Variants in CSMD1 observed in about 807,000 individuals in gnomAD.
The protein encoded by CSMD1 is CUB and Sushi multiple domains 1, also known as CUB and sushi domain-containing protein 1.
In CSMD1, 213 loss-of-function variants were observed where a neutral mutation model predicts 417.5. The observed-to-expected ratio is 0.51, with a 90% CI of 0.46 to 0.57. CSMD1 has a LOEUF of 0.57. Among genes scored for constraint, CSMD1 ranks in the 20% least tolerant of loss-of-function variants. The pLI, the probability that CSMD1 is intolerant of heterozygous loss-of-function variation, is 0.00. For missense variants in CSMD1, 6,923 were observed against 4,529.7 expected (o/e 1.53, Z -15.17); for synonymous variants, 2,862 against 1,736.8 (o/e 1.65, Z -16.11).
intron 46 of CSMD1, among the ~76,000 whole-genome samples, chr8:3,104,898 G>A (rs1816022295): frequency 6.6e-6 from 1 of 151,982 alleles, no homozygotes; most frequent in Non-Finnish European, 1.5e-5. Context: ...GTAGAGACAG[G>A]TTTCTCCCTG....
At chr8:4,450,678 C>T (rs1327181566) in intron 2 of CSMD1, among the ~76,000 whole-genome samples, 1 of 152,150 alleles carries the variant, frequency 6.6e-6, no homozygotes, top group Non-Finnish European at 1.5e-5. Flanking sequence ...CTGTCTTGCA[C>T]TGTATCCAAT....
rs1450286480 is a variant in CSMD1, at chr8:4,439,875, TC to T, written c.303-19811del. 2.0e-5 allele frequency among the ~76,000 whole-genome samples: 3 copies of T among 152,180 alleles called. No homozygotes were observed. In the East Asian group the frequency reaches 5.8e-4, roughly 29 times the overall value. On this transcript the variant is annotated intron_variant, in intron 2 of 69. Transcript: ENST00000635120. ...CGAAAGATAGGATGGTGTAATGAGA[TC>T]CCAAAAGAGAATCAACTACACAACA... is the stretch of plus-strand genomic sequence containing the variant.
At chr8:2,953,458 A>C (rs1802777779) in intron 65 of CSMD1, among the ~76,000 whole-genome samples, 1 of 151,856 alleles carries the variant, frequency 6.6e-6, no homozygotes, top group Non-Finnish European at 1.5e-5. Flanking sequence ...ATGTCCAAAA[A>C]AAAAAAAAAA....
rs567327966 is a variant in CSMD1, at chr8:3,580,418, G to A, written c.1223-5352C>T. On this transcript the variant is annotated intron_variant, in intron 9 of 69. Coordinates refer to ENST00000635120, the MANE Select transcript of CSMD1 (RefSeq NM_033225.6). ...CCTGGGGGGAGGCGGATACTCCAGA[G>A]AGGGGAAACCAAATGCAAGAATCCT... Among the ~76,000 whole-genome samples, 7 of 152,248 alleles carry A rather than the reference G, an allele frequency of 4.6e-5. No homozygotes were observed. The South Asian group carries it at 1.4e-3, about 32-fold the overall frequency.
intron 1 of CSMD1, among the ~76,000 whole-genome samples, chr8:4,970,494 T>G (rs138402190): frequency 3.9e-4 from 60 of 152,244 alleles, no homozygotes; most frequent in African/African-American, 1.4e-3. Flanking sequence ...AACCCCATTC[T>G]CATGGAATAG....
At chr8:3,841,456 G>A (rs1347432512) in intron 5 of CSMD1, among the ~76,000 whole-genome samples, 2 of 152,092 alleles carry the variant, frequency 1.3e-5, no homozygotes, top group East Asian at 1.9e-4. Flanking sequence ...TCTTTCACTT[G>A]CAAGACCAAG....
chr8:3,151,123 A>G, intron 40 of CSMD1: 1 of 280,858 alleles, frequency 3.6e-6, no homozygotes, highest in Non-Finnish European at 6.6e-6. Context: ...TGATAATTGA[A>G]TTAGGGATGC....
intron 8 of CSMD1, among the ~76,000 whole-genome samples, chr8:3,586,503 C>G (rs1267187973): frequency 6.6e-6 from 1 of 151,904 alleles, no homozygotes; most frequent in East Asian, 1.9e-4. Flanking sequence ...AACACATGAA[C>G]CTTAACTTGT....
intron 3 of CSMD1, among the ~76,000 whole-genome samples, chr8:4,095,392 A>G (rs1314265004): frequency 7.0e-6 from 1 of 143,140 alleles, no homozygotes; most frequent in Admixed American, 6.7e-5. Flanking sequence ...CAAACAAAAA[A>G]GTAAAAAAGA....
chr8:3,753,415 T>C (rs933365343), intron 6 of CSMD1, among the ~76,000 whole-genome samples: 1 of 152,228 alleles, frequency 6.6e-6, no homozygotes, highest in Admixed American at 6.5e-5. Context: ...TCTGTCCTAA[T>C]GACTACAGAC....
At chr8:3,457,663 C>G (rs1042369992) in intron 12 of CSMD1, among the ~76,000 whole-genome samples, 4 of 152,066 alleles carry the variant, frequency 2.6e-5, no homozygotes, top group Non-Finnish European at 4.4e-5. Flanking sequence ...TAAGACAACA[C>G]AATTCAGAAA....
intron 3 of CSMD1, among the ~76,000 whole-genome samples, chr8:4,333,696 G>A (rs893496851): frequency 5.9e-5 from 9 of 152,070 alleles, no homozygotes; most frequent in African/African-American, 2.2e-4. Flanking sequence ...CATTTAATGA[G>A]AAAGAGTTGT....
At chr8:3,962,542 C>G (rs527243958) in intron 5 of CSMD1, among the ~76,000 whole-genome samples, 3 of 152,052 alleles carry the variant, frequency 2.0e-5, no homozygotes, top group Non-Finnish European at 4.4e-5. Flanking sequence ...CGCAGGTAAG[C>G]AAAGTGTAGG....
At chr8:3,253,797 C>G (rs1460933166) in intron 26 of CSMD1, among the ~76,000 whole-genome samples, 1 of 152,254 alleles carries the variant, frequency 6.6e-6, no homozygotes, top group Non-Finnish European at 1.5e-5. Context: ...TTCCTGAATA[C>G]AGCACACTGT....
intron 2 of CSMD1, among the ~76,000 whole-genome samples, chr8:4,463,800 A>G (rs2129973731): frequency 6.6e-6 from 1 of 152,282 alleles, no homozygotes; most frequent in East Asian, 1.9e-4. Context: ...TGCATTAAAC[A>G]TCTTCCAAAA....
chr8:4,394,167 C>T (rs569884177), intron 3 of CSMD1, among the ~76,000 whole-genome samples: 2 of 152,244 alleles, frequency 1.3e-5, no homozygotes, highest in South Asian at 4.1e-4. Context: ...GAACTATCAT[C>T]CAACATACAT....
chr8:4,914,189 C>G lies in CSMD1; in HGVS notation c.85+80143G>C, dbSNP rs145401408. ...GAAACAAAAGCACGGAGTCATGAGA[C>G]TCTATAGTATTACAGGTGCAATCAT... is the stretch of plus-strand genomic sequence containing the variant. On this transcript the variant is annotated intron_variant, in intron 1 of 69. Transcript: ENST00000635120. 3.9e-5 allele frequency among the ~76,000 whole-genome samples: 6 copies of G among 152,264 alleles called. No individual in the cohort carries two copies. The East Asian group carries it at 1.2e-3, about 29-fold the overall frequency.
intron 25 of CSMD1, among the ~76,000 whole-genome samples, chr8:3,307,326 C>T (rs1469752622): frequency 6.6e-6 from 1 of 152,016 alleles, no homozygotes; most frequent in Non-Finnish European, 1.5e-5. Context: ...AGCTGAGGCC[C>T]TCACACCTAA....
At chr8:3,079,663 T>A (rs999969149) in intron 49 of CSMD1, among the ~76,000 whole-genome samples, 1 of 152,184 alleles carries the variant, frequency 6.6e-6, no homozygotes, top group African/African-American at 2.4e-5. Flanking sequence ...AAATTTTGTA[T>A]AAAGTAAAAG....
Sources: gnomAD v4.1 joint callset for allele counts (sites outside exome capture counted in the v4.1 genomes callset) on GRCh38, gnomAD v4.1.1 for gene constraint, MANE v1.5 for transcripts, NCBI Gene and HGNC (gene_info 2026-07-23, HGNC 2026-07-21) for gene names.